OPHN1: variants seen among roughly 807,000 people sequenced by gnomAD.
The protein encoded by OPHN1 is oligophrenin-1.
A neutral mutation model predicts 60.7 loss-of-function variants in OPHN1; 11 were observed. The ratio of observed to expected loss-of-function variants is 0.18; its 90% confidence interval spans 0.11 to 0.30. The LOEUF (loss-of-function observed/expected upper bound fraction) is 0.30. OPHN1 is among the 10% of genes least tolerant of loss of function. The pLI, the probability that OPHN1 is intolerant of heterozygous loss-of-function variation, is 1.00. For missense variants in OPHN1, 449 were observed against 611.0 expected (o/e 0.73, Z 2.80); for synonymous variants, 226 against 222.6 (o/e 1.02, Z -0.14).
chrX:68,089,882 C>T (rs1049429306), intron 19 of OPHN1, among the ~76,000 whole-genome samples: 2 of 111,696 alleles, frequency 1.8e-5, no homozygotes, highest in South Asian at 3.7e-4. Flanking sequence ...CTTGAAGCTA[C>T]GTTTTCAAAG....
At chrX:68,169,512 G>A (rs371588985) in intron 15 of OPHN1, among the ~76,000 whole-genome samples, 2 of 108,890 alleles carry the variant, frequency 1.8e-5, no homozygotes, top group Admixed American at 9.9e-5. Flanking sequence ...GAGGCATCAC[G>A]CTACATGACT....
Position 68,198,605 on chromosome X carries a change from T to C in OPHN1, c.1026-1341A>G, listed in dbSNP as rs1290568407. ...ATGCAAGGTATAAAGTCTCCTTGCA[T>C]TCTCCTGGCTTGCTGAGCCATTAGG... is the stretch of plus-strand genomic sequence containing the variant. On this transcript the variant is annotated intron_variant, in intron 11 of 24. Coordinates refer to ENST00000355520, the MANE Select transcript of OPHN1 (RefSeq NM_002547.3). Among the ~76,000 whole-genome samples the C allele has an allele frequency of 3.6e-5, 4 of 111,767 alleles. No individual in the cohort carries two copies. The East Asian group carries it at 1.1e-3, about 32-fold the overall frequency.
chrX:68,131,139 T>G (rs766979544), intron 15 of OPHN1, among the ~76,000 whole-genome samples: 46 of 111,345 alleles, frequency 4.1e-4, no homozygotes, highest in African/African-American at 1.5e-3. Context: ...GGAATCAATA[T>G]CAGACAAAAT....
At chrX:68,356,964 C>T (rs1157890919) in intron 2 of OPHN1, among the ~76,000 whole-genome samples, 1 of 111,624 alleles carries the variant, frequency 9.0e-6, no homozygotes, top group Non-Finnish European at 1.9e-5. Context: ...TTGTGGTTGC[C>T]TAGTGCTAGC....
intron 10 of OPHN1, among the ~76,000 whole-genome samples, chrX:68,204,925 C>T (rs1455990637): frequency 8.9e-6 from 1 of 111,923 alleles, no homozygotes; most frequent in Non-Finnish European, 1.9e-5. Context: ...AAGGAGCTTT[C>T]CTCTCCGGTA....
intron 2 of OPHN1, among the ~76,000 whole-genome samples, chrX:68,378,449 G>A (rs185911420): frequency 0.013 from 1,460 of 111,642 alleles, 22 homozygotes; most frequent in African/African-American, 0.045. Flanking sequence ...GATCCCATTG[G>A]TCAAATTTTG....
intron 4 of OPHN1, among the ~76,000 whole-genome samples, chrX:68,277,134 A>G (rs2077995358): frequency 8.9e-6 from 1 of 111,897 alleles, no homozygotes; most frequent in Non-Finnish European, 1.9e-5. Flanking sequence ...ATGGAAGACA[A>G]TTTTTCAATG....
intron 5 of OPHN1, among the ~76,000 whole-genome samples, chrX:68,237,456 C>G (rs1381626094): frequency 1.8e-5 from 2 of 111,908 alleles, no homozygotes; most frequent in African/African-American, 6.5e-5. Flanking sequence ...GTAATGCCAT[C>G]TTAACAATAT....
At chrX:68,067,761 G>T (rs2147364388) in intron 20 of OPHN1, among the ~76,000 whole-genome samples, 1 of 111,058 alleles carries the variant, frequency 9.0e-6, no homozygotes, top group East Asian at 2.8e-4. Context: ...TGACGAGGGT[G>T]AAAGGAGTCA....
chrX:68,270,065 C>T (rs781573635), intron 5 of OPHN1, among the ~76,000 whole-genome samples: 2 of 110,836 alleles, frequency 1.8e-5, no homozygotes, highest in African/African-American at 6.6e-5. Context: ...GTTAGAATGG[C>T]AATCATTAAA....
chrX:68,051,651 G>C (rs1298318573), intron 23 of OPHN1, among the ~76,000 whole-genome samples: 1 of 110,135 alleles, frequency 9.1e-6, no homozygotes, highest in Non-Finnish European at 1.9e-5. Context: ...TGCCCTTTGA[G>C]TATATAATGG....
intron 2 of OPHN1, among the ~76,000 whole-genome samples, chrX:68,317,958 G>A (rs184774001): frequency 3.3e-4 from 37 of 111,355 alleles, no homozygotes; most frequent in Admixed American, 3.2e-3. Flanking sequence ...AAGTTACAAC[G>A]TATCAAAAGT....
At chrX:68,265,380 C>T (rs2077918228) in intron 5 of OPHN1, among the ~76,000 whole-genome samples, 1 of 111,941 alleles carries the variant, frequency 8.9e-6, no homozygotes, top group Non-Finnish European at 1.9e-5. Flanking sequence ...TCAATATCTG[C>T]TGTTCTGCAA....
intron 5 of OPHN1, among the ~76,000 whole-genome samples, chrX:68,259,941 C>T (rs1057459663): frequency 1.8e-5 from 2 of 111,840 alleles, no homozygotes; most frequent in African/African-American, 3.3e-5. Flanking sequence ...TGAAGAAACA[C>T]GGATTGCTGG....
intron 2 of OPHN1, among the ~76,000 whole-genome samples, chrX:68,421,863 G>A (rs1457328395): frequency 4.5e-5 from 5 of 111,317 alleles, no homozygotes; most frequent in African/African-American, 1.6e-4. Flanking sequence ...AATGCCACAC[G>A]TTTCCCAATA....
At chrX:68,187,498 T>C (rs1226325612) in intron 15 of OPHN1, among the ~76,000 whole-genome samples, 1 of 106,022 alleles carries the variant, frequency 9.4e-6, no homozygotes, top group Non-Finnish European at 2.0e-5. Context: ...GGGAACAGAC[T>C]GTCTTCTCCA....
intron 5 of OPHN1, among the ~76,000 whole-genome samples, chrX:68,239,873 A>G (rs2077772377): frequency 9.3e-6 from 1 of 107,215 alleles, no homozygotes; most frequent in Admixed American, 1.0e-4. Flanking sequence ...GCAGTGGCGC[A>G]ATCTCGGCTC....
intron 11 of OPHN1, 111 bp downstream of exon 11, chrX:68,201,508 A>G (rs957811019): frequency 1.9e-5 from 12 of 626,186 alleles, no homozygotes; most frequent in Non-Finnish European, 3.2e-5. Flanking sequence ...AAAGTCCTGA[A>G]TAGACTTACT....
At chrX:68,070,128 G>A (rs1007533188) in intron 20 of OPHN1, among the ~76,000 whole-genome samples, 2 of 111,202 alleles carry the variant, frequency 1.8e-5, no homozygotes, top group Non-Finnish European at 3.8e-5. Flanking sequence ...CATCAATTTC[G>A]TCTCCCTACC....
Sources: gnomAD v4.1 joint callset for allele counts (sites outside exome capture counted in the v4.1 genomes callset) on GRCh38, gnomAD v4.1.1 for gene constraint, MANE v1.5 for transcripts, NCBI Gene and HGNC (gene_info 2026-07-23, HGNC 2026-07-21) for gene names.